BFSP2: variants seen among roughly 807,000 people sequenced by gnomAD.
BFSP2 encodes beaded filament structural protein 2, also known as phakinin.
BFSP2 carries 38 observed loss-of-function variants against 44.9 expected under a neutral mutation model. That is an observed-to-expected ratio of 0.85 (90% confidence interval 0.65 to 1.11). The LOEUF (loss-of-function observed/expected upper bound fraction) is 1.11, where lower values mean the gene tolerates loss of function less well. BFSP2 is among the 50% of genes least tolerant of loss of function. BFSP2 has a pLI of 0.00. For synonymous variants in BFSP2, 197 were observed against 209.9 expected, an observed-to-expected ratio of 0.94 and a Z score of 0.53; for missense variants, 525 against 533.0, an observed-to-expected ratio of 0.99 and a Z score of 0.15.
intron 5 of BFSP2, among the ~76,000 whole-genome samples, chr3:133,471,519 C>G (rs1467250562): frequency 6.6e-6 from 1 of 152,160 alleles, no homozygotes; most frequent in Admixed American, 6.5e-5. Flanking sequence ...TTTTGGACAC[C>G]TTGATGTGAG....
intron 1 of BFSP2, among the ~76,000 whole-genome samples, chr3:133,415,237 C>T (rs566163019): frequency 3.3e-5 from 4 of 121,268 alleles, no homozygotes; most frequent in Admixed American, 8.2e-5. Context: ...CCTCTGTCCT[C>T]TCCCCTCTAC....
At position 133,457,546 on chromosome 3, in the gene BFSP2, A is replaced by T. The variant is rs539135855; in HGVS notation, c.891+7082A>T. Reference sequence around the variant, plus strand: ...AGAAACATTTTACCCATATACAAAGAAATATATATATTTTTTTTCCTGTCT... The same window carrying T: ...AGAAACATTTTACCCATATACAAAGTAATATATATATTTTTTTTCCTGTCT... On this transcript the variant is annotated intron_variant, in intron 4 of 6. Transcript: ENST00000302334. Among the ~76,000 whole-genome samples the T allele has an allele frequency of 2.0e-5, 3 of 152,306 alleles. No individual in the cohort carries two copies. The South Asian group carries it at 6.2e-4, about 32-fold the overall frequency.
intron 4 of BFSP2, among the ~76,000 whole-genome samples, chr3:133,450,886 C>T (rs374497332): frequency 1.3e-5 from 2 of 152,122 alleles, no homozygotes; most frequent in African/African-American, 2.4e-5. Context: ...CCAAGGCGGG[C>T]GGATCATGAG....
At chr3:133,406,958 A>T (rs1283903517) in intron 1 of BFSP2, among the ~76,000 whole-genome samples, 4 of 152,196 alleles carry the variant, frequency 2.6e-5, no homozygotes, top group Non-Finnish European at 5.9e-5. Context: ...CCTGTAATCC[A>T]AGTACATTGT....
rs139476224 is a variant in BFSP2, at chr3:133,400,449, G to T, written c.366G>T (p.Val122=). 6.2e-7 allele frequency: 1 copy of T among 1,614,036 alleles called. No individual in the cohort carries two copies. The highest frequency in any genetic ancestry group is 2.2e-5 in the East Asian group (1 of 44,884). Residue 122 remains valine, a synonymous_variant, in exon 1 of 7, where the codon GTG becomes GTT. Coordinates refer to ENST00000302334, the MANE Select transcript of BFSP2 (RefSeq NM_003571.4). The surrounding 1 kb of genome is among the most constrained non-coding windows in gnomAD (Gnocchi z 4.0). ...GGCLVEYMAK[V]HALEQVSQEL... ...GCCTGGTGGAATATATGGCCAAAGT[G>T]CACGCCCTTGAGCAAGTCAGTCAGG...
At chr3:133,403,999 A>T (rs78968293) in intron 1 of BFSP2, among the ~76,000 whole-genome samples, 9 of 19,086 alleles carry the variant, frequency 4.7e-4, no homozygotes, top group Non-Finnish European at 2.1e-4. Flanking sequence ...GGGAGGGGGG[A>T]ATCTTCCTCA....
intron 5 of BFSP2, among the ~76,000 whole-genome samples, chr3:133,468,409 C>G (rs902696919): frequency 6.6e-6 from 1 of 152,194 alleles, no homozygotes; most frequent in African/African-American, 2.4e-5. Context: ...CAGTGAATCA[C>G]TTGTTCTCTC....
chr3:133,434,455 T>C (rs908609702), intron 1 of BFSP2, among the ~76,000 whole-genome samples: 3 of 151,984 alleles, frequency 2.0e-5, no homozygotes, highest in Non-Finnish European at 4.4e-5. Flanking sequence ...TCTCTCTCCA[T>C]ACCACCCCCC....
intron 1 of BFSP2, among the ~76,000 whole-genome samples, chr3:133,440,755 G>A (rs757170071): frequency 5.9e-5 from 9 of 152,176 alleles, no homozygotes; most frequent in South Asian, 2.1e-4. Flanking sequence ...AATAAACCCC[G>A]GCCAGCAGTT....
At chr3:133,457,553 T>C (rs1370847046) in intron 4 of BFSP2, among the ~76,000 whole-genome samples, 2 of 152,176 alleles carry the variant, frequency 1.3e-5, no homozygotes, top group Non-Finnish European at 2.9e-5. Context: ...AAGAAATATA[T>C]ATATTTTTTT....
intron 1 of BFSP2, 55 bp from the exon 2 acceptor site, chr3:133,447,262 G>A: frequency 6.3e-7 from 1 of 1,589,460 alleles, no homozygotes; most frequent in Non-Finnish European, 8.6e-7. Flanking sequence ...ATGGTGGTAA[G>A]TGATCTTGAC....
intron 4 of BFSP2, among the ~76,000 whole-genome samples, chr3:133,460,939 G>A (rs1170748385): frequency 6.6e-6 from 1 of 152,224 alleles, no homozygotes; most frequent in Non-Finnish European, 1.5e-5. Flanking sequence ...TTAGTGAAAG[G>A]CAGAAGACAC....
chr3:133,463,755 A>G (rs2074085361), intron 4 of BFSP2, among the ~76,000 whole-genome samples: 2 of 152,122 alleles, frequency 1.3e-5, no homozygotes, highest in South Asian at 4.1e-4. Context: ...TTTCCCTGCC[A>G]GCTGTGACAA....
chr3:133,426,436 A>C (rs2293601), intron 1 of BFSP2, among the ~76,000 whole-genome samples: 118,753 of 152,196 alleles, frequency 0.78, 46,504 homozygotes, highest in Middle Eastern at 0.92. Flanking sequence ...AATCATCTTG[A>C]AATCCAGGAA....
At chr3:133,470,472 A>G (rs9289448) in intron 5 of BFSP2, among the ~76,000 whole-genome samples, 31,268 of 152,254 alleles carry the variant, frequency 0.21, 3,335 homozygotes, top group East Asian at 0.29. Flanking sequence ...TTAAAAAGCC[A>G]GATGCTAAAG....
intron 4 of BFSP2, among the ~76,000 whole-genome samples, chr3:133,461,493 C>T (rs6439407): frequency 1 from 152,282 of 152,288 alleles, 76,138 homozygotes; most frequent in Middle Eastern, 1. Flanking sequence ...ACAACTGCAC[C>T]GGGCAACAAA....
intron 1 of BFSP2, among the ~76,000 whole-genome samples, chr3:133,418,132 C>CCTCTCCCCTCTACTCACCCCTGTT (rs1332269063): frequency 6.6e-6 from 1 of 151,102 alleles, no homozygotes; most frequent in African/African-American, 2.4e-5. Flanking sequence ...TCACCCCTGT[C>CCTCTCCCCTCTACTCACCCCTGTT]CTCTCCCCTC....
intron 4 of BFSP2, among the ~76,000 whole-genome samples, chr3:133,457,890 C>G (rs748081151): frequency 2.0e-5 from 3 of 152,158 alleles, no homozygotes; most frequent in Non-Finnish European, 4.4e-5. Context: ...TAGCCTGTTC[C>G]CTACTGCTGG....
At chr3:133,447,489 C>A in intron 2 of BFSP2, 90 bp downstream of exon 2, 1 of 1,301,856 alleles carries the variant, frequency 7.7e-7, no homozygotes, top group Non-Finnish European at 1.1e-6. Flanking sequence ...CTGCATCATC[C>A]ACCTTCTACC....
Sources: gnomAD v4.1 joint callset for allele counts (sites outside exome capture counted in the v4.1 genomes callset) on GRCh38, gnomAD v4.1.1 for gene constraint, Gnocchi (gnomAD v3.1) non-coding constraint, MANE v1.5 for transcripts, NCBI Gene and HGNC (gene_info 2026-07-23, HGNC 2026-07-21) for gene names.